The following RAB3GAP1 variants were observed in gnomAD, a reference collection of about 807,000 sequenced individuals.
RAB3GAP1 encodes RAB3 GTPase activating protein catalytic subunit 1.
In RAB3GAP1, 86 loss-of-function variants were observed where a neutral mutation model predicts 130.7. That is an observed-to-expected ratio of 0.66 (90% CI 0.55 to 0.79). RAB3GAP1 has a LOEUF of 0.79. Among genes scored for constraint, RAB3GAP1 ranks in the 30% least tolerant of loss-of-function variants. The pLI, the probability that RAB3GAP1 is intolerant of heterozygous loss-of-function variation, is 0.00. For synonymous variants in RAB3GAP1, 367 were observed against 401.7 expected (o/e 0.91, Z 1.03); for missense variants, 1,029 against 1,169.4 (o/e 0.88, Z 1.75).
chr2:135,075,641 T>C (rs1689609101), intron 3 of RAB3GAP1, among the ~76,000 whole-genome samples: 1 of 147,554 alleles, frequency 6.8e-6, no homozygotes, highest in Non-Finnish European at 1.5e-5. Context: ...ATGTTTGCCT[T>C]TTTTTTTTTA....
intron 23 of RAB3GAP1, among the ~76,000 whole-genome samples, chr2:135,166,290 C>T (rs1362108645): frequency 6.6e-6 from 1 of 151,936 alleles, no homozygotes; most frequent in Non-Finnish European, 1.5e-5. Flanking sequence ...ATAGAAATAA[C>T]CTCCTTACCC....
intron 3 of RAB3GAP1, 28 bp downstream of exon 3, chr2:135,058,114 A>G (rs375752363): frequency 9.4e-5 from 147 of 1,559,864 alleles, no homozygotes; most frequent in Non-Finnish European, 1.3e-4. Context: ...GTGTCTCTAA[A>G]TGACTATTTA....
rs554109098 is a variant in RAB3GAP1, at chr2:135,150,803, C to T, written c.2061+297C>T. Among the ~76,000 whole-genome samples the T allele has an allele frequency of 6.0e-4, 92 of 152,188 alleles. 1 individual carries two copies. Among genetic ancestry groups the T allele is most frequent in the Non-Finnish European group, 6.6e-4 (45 of 67,996 alleles). ...TGTGTTCAGCCAATTTAATGGAAGA[C>T]TTTTAGGAAACTTAGGATTTAACAT... On this transcript the variant is annotated intron_variant, in intron 18 of 23. Coordinates refer to ENST00000264158, the MANE Select transcript of RAB3GAP1 (RefSeq NM_012233.3).
chr2:135,065,231 G>A (rs931317595), intron 3 of RAB3GAP1, among the ~76,000 whole-genome samples: 7 of 152,070 alleles, frequency 4.6e-5, no homozygotes, highest in Non-Finnish European at 7.4e-5. Flanking sequence ...TCTGCTTCCC[G>A]AGTTGTACAC....
At chr2:135,130,488 G>T in intron 12 of RAB3GAP1, 64 bp from the exon 13 acceptor site, 1 of 1,329,860 alleles carries the variant, frequency 7.5e-7, no homozygotes, top group Middle Eastern at 2.2e-4. Context: ...TCATCAATTT[G>T]TTCATCACTT....
intron 3 of RAB3GAP1, among the ~76,000 whole-genome samples, chr2:135,086,292 C>A (rs1218525032): frequency 6.6e-6 from 1 of 152,132 alleles, no homozygotes; most frequent in African/African-American, 2.4e-5. Context: ...TAAAAACTGG[C>A]AAATTCTTTT....
intron 17 of RAB3GAP1, among the ~76,000 whole-genome samples, chr2:135,148,428 A>C (rs1327429748): frequency 6.6e-6 from 1 of 151,822 alleles, no homozygotes; most frequent in Non-Finnish European, 1.5e-5. Flanking sequence ...TTACCCCAAT[A>C]TACTAGAGCC....
Position 135,073,397 on chromosome 2 carries a change from A to T in RAB3GAP1, c.150+15311A>T, listed in dbSNP as rs191584520. Among the ~76,000 whole-genome samples the T allele has an allele frequency of 7.6e-4, 116 of 152,238 alleles. No individual in the cohort carries two copies. The South Asian group carries it at 0.013, about 18-fold the overall frequency. ...TTTGTTTTGTTGATGCCAATGTCTGATTTGGAAGCCAGGTAGAGCAGAGAG... is the reference window on the plus strand; with the variant it reads ...TTTGTTTTGTTGATGCCAATGTCTGTTTTGGAAGCCAGGTAGAGCAGAGAG... On this transcript the variant is annotated intron_variant, in intron 3 of 23. Transcript: ENST00000264158.
chr2:135,054,594 T>C (rs1341664976), intron 2 of RAB3GAP1, among the ~76,000 whole-genome samples: 2 of 152,192 alleles, frequency 1.3e-5, no homozygotes. Flanking sequence ...AGTGAGAAGA[T>C]TTGAACCTGT....
intron 5 of RAB3GAP1, among the ~76,000 whole-genome samples, chr2:135,102,709 T>C (rs1330081371): frequency 6.6e-6 from 1 of 152,172 alleles, no homozygotes; most frequent in East Asian, 1.9e-4. Flanking sequence ...ATAATTATTA[T>C]GGCTTTTAAG....
chr2:135,084,109 G>T (rs1045691334), intron 3 of RAB3GAP1, among the ~76,000 whole-genome samples: 1 of 152,088 alleles, frequency 6.6e-6, no homozygotes, highest in African/African-American at 2.4e-5. Flanking sequence ...GCCAGATGTT[G>T]TGGCACATGC....
At chr2:135,105,225 C>T (rs1179294880) in intron 5 of RAB3GAP1, among the ~76,000 whole-genome samples, 5 of 116,106 alleles carry the variant, frequency 4.3e-5, no homozygotes, top group African/African-American at 1.6e-4. Flanking sequence ...TCCCCCTTCC[C>T]CCTCCCGCTC....
chr2:135,073,836 G>T (rs1467979608), intron 3 of RAB3GAP1, among the ~76,000 whole-genome samples: 1 of 152,288 alleles, frequency 6.6e-6, no homozygotes, highest in East Asian at 1.9e-4. Flanking sequence ...TGCAACCCAG[G>T]GGTGAGTCTG....
At chr2:135,067,772 G>T (rs1254567134) in intron 3 of RAB3GAP1, among the ~76,000 whole-genome samples, 1 of 152,154 alleles carries the variant, frequency 6.6e-6, no homozygotes, top group African/African-American at 2.4e-5. Context: ...TGTTACCCAC[G>T]CTAGAGTGCG....
chr2:135,135,404 C>T, intron 16 of RAB3GAP1, 85 bp downstream of exon 16: 1 of 1,444,836 alleles, frequency 6.9e-7, no homozygotes, highest in Non-Finnish European at 9.7e-7. Flanking sequence ...GGGTTACATG[C>T]TGTTCTCATG....
chr2:135,127,827 T>A (rs1163405147), intron 11 of RAB3GAP1, among the ~76,000 whole-genome samples: 2 of 152,246 alleles, frequency 1.3e-5, no homozygotes, highest in African/African-American at 4.8e-5. Context: ...GCTATTCAGA[T>A]AATATTATTG....
At position 135,126,652 on chromosome 2, in the gene RAB3GAP1, G is replaced by C. The variant is rs1416053053; in HGVS notation, c.969G>C (p.Leu323Phe). 1.2e-6 allele frequency: 2 copies of C among 1,608,564 alleles called. No individual in the cohort carries two copies. Among genetic ancestry groups the C allele is most frequent in the Non-Finnish European group, 1.7e-6 (2 of 1,175,020 alleles). Residue 323 changes from leucine to phenylalanine, a missense_variant, in exon 11 of 24, where the codon TTG (leucine) becomes TTC (phenylalanine). Around this residue, in one of 3 missense-constraint regions of RAB3GAP1, gnomAD observed 510 missense variants for 532.1 expected, o/e 0.96. Transcript: ENST00000264158. ...RVRKAENPQCLLGDFVTEFFK... is the reference protein window; with the variant it reads ...RVRKAENPQCFLGDFVTEFFK... The stretch of plus-strand genomic sequence containing the variant: ...GAAAAGCTGAGAATCCTCAGTGTTT[G>C]CTAGGTAAGGTATATTATGCTCCTT...
At chr2:135,165,245 C>G in intron 23 of RAB3GAP1, 1 of 436,194 alleles carries the variant, frequency 2.3e-6, no homozygotes, top group Non-Finnish European at 4.5e-6. Context: ...ATTATCATAA[C>G]CATTACCTCT....
Position 135,124,255 on chromosome 2 carries a change from T to G in RAB3GAP1, c.830+9T>G. On this transcript the variant is annotated intron_variant, in intron 9 of 23. Transcript: ENST00000264158. The stretch of plus-strand genomic sequence containing the variant: ...TGCGAAGATCCTATTAGGTGAGAAT[T>G]TCAACCTGTCATTTGAATTGTGGGA... 2 of 1,610,326 alleles carry G rather than the reference T, an allele frequency of 1.2e-6. No individual in the cohort carries two copies. The highest frequency in any genetic ancestry group is 1.7e-6 in the Non-Finnish European group (2 of 1,176,562).
Sources: allele counts gnomAD v4.1 joint callset (sites outside exome capture counted in the v4.1 genomes callset), GRCh38; gene constraint gnomAD v4.1.1; regional missense constraint gnomAD v4.1.1; transcripts MANE v1.5; gene names NCBI Gene and HGNC (gene_info 2026-07-23, HGNC 2026-07-21).